The following SLC41A3 variants were observed in gnomAD, a reference collection of about 807,000 sequenced individuals.
SLC41A3 encodes solute carrier family 41 member 3.
A neutral mutation model predicts 45.4 loss-of-function variants in SLC41A3; 44 were observed. The ratio of observed to expected loss-of-function variants is 0.97; its 90% CI spans 0.76 to 1.25. The LOEUF (loss-of-function observed/expected upper bound fraction) is 1.25, where lower values mean the gene tolerates loss of function less well. SLC41A3 is among the 50% of genes most tolerant of loss of function. SLC41A3 has a pLI of 0.00. For synonymous variants in SLC41A3, 256 were observed against 252.4 expected, an observed-to-expected ratio of 1.01 and a Z score of -0.13; for missense variants, 550 against 600.6, an observed-to-expected ratio of 0.92 and a Z score of 0.88.
rs5852464 is a variant in SLC41A3, at chr3:126,059,263, G to GAAAGAAAGA, written c.274-8214_274-8213insTCTTTCTTT. ...AGAAAGAAAGAAAGAAAGAAAGAAA[G>GAAAGAAAGA]AAGAAAGAAAGAAAGAAAGAAAGAA... On this transcript the variant is annotated intron_variant, in intron 2 of 10. Transcript: ENST00000360370. 7.7e-3 allele frequency among the ~76,000 whole-genome samples: 90 copies of GAAAGAAAGA among 11,740 alleles called. 13 individuals carry two copies. Among genetic ancestry groups the GAAAGAAAGA allele is most frequent in the South Asian group, 0.028 (7 of 248 alleles). The allele number at this position is 11,740 out of a possible 152,430, so 7.7% of individuals were successfully genotyped here.
chr3:126,068,846 C>A (rs932398375), intron 1 of SLC41A3, among the ~76,000 whole-genome samples: 2 of 152,158 alleles, frequency 1.3e-5, no homozygotes, highest in Non-Finnish European at 2.9e-5. Flanking sequence ...CTGGAGATCC[C>A]TGGAAGACCC....
intron 3 of SLC41A3, among the ~76,000 whole-genome samples, chr3:126,040,125 C>T (rs1009652415): frequency 6.6e-6 from 1 of 152,196 alleles, no homozygotes; most frequent in African/African-American, 2.4e-5. Flanking sequence ...GCCATCTGAG[C>T]TAGAACCATT....
At chr3:126,071,490 T>C (rs78005047) in intron 1 of SLC41A3, among the ~76,000 whole-genome samples, 2,078 of 152,252 alleles carry the variant, frequency 0.014, 46 homozygotes, top group African/African-American at 0.047. Context: ...GATAATACAA[T>C]TTGACAGAAT....
At chr3:126,100,660 A>G (rs185217067) in intron 1 of SLC41A3, among the ~76,000 whole-genome samples, 144 of 152,350 alleles carry the variant, frequency 9.5e-4, no homozygotes, top group Admixed American at 3.1e-3. Flanking sequence ...TACTATCTCT[A>G]TGAGAAGCAG....
intron 4 of SLC41A3, among the ~76,000 whole-genome samples, chr3:126,033,080 T>C (rs913840512): frequency 2.0e-5 from 3 of 152,016 alleles, no homozygotes; most frequent in Admixed American, 6.6e-5. Flanking sequence ...GAGAAGGATG[T>C]GTGAGTGAGA....
At chr3:126,055,914 G>T (rs573746667) in intron 2 of SLC41A3, among the ~76,000 whole-genome samples, 15 of 152,272 alleles carry the variant, frequency 9.9e-5, no homozygotes, top group African/African-American at 3.6e-4. Flanking sequence ...TGCCCACAGG[G>T]ACCACAGCAT....
At chr3:126,095,229 G>A (rs1009137538) in intron 1 of SLC41A3, 40 of 692,290 alleles carry the variant, frequency 5.8e-5, no homozygotes, top group Non-Finnish European at 8.9e-5. Context: ...CAAGACACCT[G>A]AAACCTTATC....
intron 1 of SLC41A3, among the ~76,000 whole-genome samples, chr3:126,092,929 C>A (rs1283051500): frequency 2.6e-5 from 4 of 152,168 alleles, no homozygotes; most frequent in Non-Finnish European, 5.9e-5. Flanking sequence ...CCTTCTGCAC[C>A]CCCTGCTTAT....
chr3:126,062,820 G>C (rs1251192360), intron 2 of SLC41A3, among the ~76,000 whole-genome samples: 2 of 152,170 alleles, frequency 1.3e-5, no homozygotes, highest in African/African-American at 4.8e-5. Context: ...GCTGTCATCT[G>C]CAAAGCAAGC....
chr3:126,094,253 A>C (rs1256714729), intron 1 of SLC41A3, among the ~76,000 whole-genome samples: 2 of 152,240 alleles, frequency 1.3e-5, no homozygotes, highest in Admixed American at 1.3e-4. Context: ...GGAAAGACAA[A>C]GTTCCCACCA....
chr3:126,019,000 GT>G (rs1940585552), intron 6 of SLC41A3, among the ~76,000 whole-genome samples: 1 of 152,186 alleles, frequency 6.6e-6, no homozygotes, highest in South Asian at 2.1e-4. Context: ...GTCTTAGTCA[GT>G]TTTGTTGCTT....
At chr3:126,059,287 A>AAAGAAAGAGAGAGAAAG (rs1943904093) in intron 2 of SLC41A3, among the ~76,000 whole-genome samples, 1 of 127,146 alleles carries the variant, frequency 7.9e-6, no homozygotes, top group Non-Finnish European at 1.8e-5. Flanking sequence ...AGAAAGAAAG[A>AAAGAAAGAGAGAGAAAG]AAGAAAGAAA....
At chr3:126,086,408 G>GGTTTTTTTTT (rs776330275), upstream of SLC41A3, among the ~76,000 whole-genome samples, 78 of 21,172 alleles carry the variant, frequency 3.7e-3, 10 homozygotes, top group Non-Finnish European at 6.2e-3. Flanking sequence ...TTGTTTTCTT[G>GGTTTTTTTTT]TTTTTTTTTT....
intron 1 of SLC41A3, among the ~76,000 whole-genome samples, chr3:126,077,081 C>A (rs1432131494): frequency 6.6e-6 from 1 of 152,032 alleles, no homozygotes; most frequent in African/African-American, 2.4e-5. Flanking sequence ...TTAGACAATA[C>A]AAAATAATAT....
In SLC41A3 at chr3:126,056,863, C is replaced by T. The variant is rs1425465433; in HGVS notation, c.274-5813G>A. On this transcript the variant is annotated intron_variant, in intron 2 of 10. Transcript: ENST00000360370. ...TGGCTGTGTGTCCGCCGGGACCTCC[C>T]TCTGCCAGTCTGCCATGGAGGCTCA... 2.5e-6 allele frequency: 3 copies of T among 1,185,824 alleles called. No individual in the cohort carries two copies. The African/African-American group carries it at 4.6e-5, about 18-fold the overall frequency. The allele number at this position is 1,185,824 out of a possible 1,614,324, so 73.5% of individuals were successfully genotyped here.
chr3:126,036,832 C>G (rs1443305896), intron 3 of SLC41A3, among the ~76,000 whole-genome samples: 2 of 152,178 alleles, frequency 1.3e-5, no homozygotes, highest in African/African-American at 4.8e-5. Context: ...GTTTTGCTAT[C>G]CTTCTCCTTT....
intron 1 of SLC41A3, among the ~76,000 whole-genome samples, chr3:126,079,431 AC>A (rs922699144): frequency 6.6e-6 from 1 of 152,184 alleles, no homozygotes; most frequent in Non-Finnish European, 1.5e-5. Flanking sequence ...AAATAGTTGG[AC>A]CCAATACAAG....
At chr3:126,034,283 T>C (rs1049068393) in intron 3 of SLC41A3, among the ~76,000 whole-genome samples, 1 of 152,232 alleles carries the variant, frequency 6.6e-6, no homozygotes, top group Non-Finnish European at 1.5e-5. Flanking sequence ...ATCATAAATA[T>C]GACTTTATCC....
At chr3:126,032,760 T>TA (rs920350744) in intron 4 of SLC41A3, among the ~76,000 whole-genome samples, 13 of 152,126 alleles carry the variant, frequency 8.5e-5, no homozygotes, top group Admixed American at 8.5e-4. Flanking sequence ...AGGTGCGGGA[T>TA]AAAGTAGGTA....
Sources: gnomAD v4.1 joint callset for allele counts (sites outside exome capture counted in the v4.1 genomes callset) on GRCh38, gnomAD v4.1.1 for gene constraint, MANE v1.5 for transcripts, NCBI Gene and HGNC (gene_info 2026-07-23, HGNC 2026-07-21) for gene names.